Variants in AGBL1 observed in about 807,000 individuals in gnomAD.
AGBL1 encodes the protein cytosolic carboxypeptidase 4.
A neutral mutation model predicts 118.9 loss-of-function variants in AGBL1; 130 were observed. That is an observed-to-expected ratio of 1.09 (90% confidence interval 0.95 to 1.26). The LOEUF (loss-of-function observed/expected upper bound fraction) is 1.26. Ranked by LOEUF, AGBL1 falls within the 50% of genes most tolerant of loss-of-function variation. AGBL1 has a pLI of 0.00. For missense variants in AGBL1, 1,584 were observed against 1,298.1 expected (o/e 1.22, Z -3.38); for synonymous variants, 555 against 478.9 (o/e 1.16, Z -2.08).
At chr15:86,788,885 C>A (rs2078452375) in intron 22 of AGBL1, among the ~76,000 whole-genome samples, 1 of 152,128 alleles carries the variant, frequency 6.6e-6, no homozygotes, top group Non-Finnish European at 1.5e-5. Context: ...GTGCAAAGTG[C>A]AAGGCTCCAA....
intron 5 of AGBL1, among the ~76,000 whole-genome samples, chr15:86,173,015 A>AT (rs1418751759): frequency 6.6e-6 from 1 of 151,594 alleles, no homozygotes; most frequent in African/African-American, 2.4e-5. Context: ...AGCATCTGTT[A>AT]TTTTTTTGTC....
chr15:86,521,077 T>C (rs2083183870), intron 18 of AGBL1, among the ~76,000 whole-genome samples: 1 of 152,170 alleles, frequency 6.6e-6, no homozygotes, highest in Non-Finnish European at 1.5e-5. Flanking sequence ...CTACCATTTA[T>C]CAAGTCAAAA....
chr15:86,739,216 G>A (rs2077642563), intron 22 of AGBL1, among the ~76,000 whole-genome samples: 1 of 151,958 alleles, frequency 6.6e-6, no homozygotes, highest in African/African-American at 2.4e-5. Flanking sequence ...GGCCAAGGCA[G>A]GCAGATCACC....
intron 22 of AGBL1, among the ~76,000 whole-genome samples, chr15:86,863,448 C>A (rs944959642): frequency 2.0e-5 from 3 of 151,944 alleles, no homozygotes; most frequent in African/African-American, 7.3e-5. Context: ...TAATGGATGT[C>A]TCATCCACAG....
At chr15:86,691,453 G>T (rs942240068) in intron 22 of AGBL1, among the ~76,000 whole-genome samples, 1 of 152,002 alleles carries the variant, frequency 6.6e-6, no homozygotes, top group Non-Finnish European at 1.5e-5. Context: ...TTGTTTCTCT[G>T]CATTGGCCAA....
chr15:86,365,283 C>G (rs2080870599), intron 17 of AGBL1, among the ~76,000 whole-genome samples: 1 of 152,068 alleles, frequency 6.6e-6, no homozygotes. Context: ...TTCATCTAAG[C>G]TATTCAAGTC....
At chr15:86,342,309 T>C (rs17668542) in intron 17 of AGBL1, among the ~76,000 whole-genome samples, 5,300 of 152,278 alleles carry the variant, frequency 0.035, 132 homozygotes, top group East Asian at 0.049. Flanking sequence ...TATGTTGGAC[T>C]AGCTTTTCTC....
At chr15:86,139,387 G>A (rs566918323) in intron 1 of AGBL1, among the ~76,000 whole-genome samples, 1 of 152,266 alleles carries the variant, frequency 6.6e-6, no homozygotes, top group Non-Finnish European at 1.5e-5. Context: ...GCACCACCCC[G>A]GGATTCTCTT....
At chr15:86,304,370 T>C (rs770681166) in intron 17 of AGBL1, among the ~76,000 whole-genome samples, 5 of 152,188 alleles carry the variant, frequency 3.3e-5, no homozygotes, top group African/African-American at 7.2e-5. Flanking sequence ...TCATATAGTA[T>C]TCATGCTCAC....
At chr15:86,487,351 C>T (rs1217473368) in intron 18 of AGBL1, among the ~76,000 whole-genome samples, 1 of 152,038 alleles carries the variant, frequency 6.6e-6, no homozygotes, top group African/African-American at 2.4e-5. Context: ...AAGTGAAGCC[C>T]TAATCCTGTG....
chr15:86,326,616 G>A (rs2080188257), intron 17 of AGBL1, among the ~76,000 whole-genome samples: 1 of 152,162 alleles, frequency 6.6e-6, no homozygotes, highest in South Asian at 2.1e-4. Context: ...ATTGTTAAGG[G>A]AAAGAGACCA....
At chr15:86,166,554 A>G (rs1206549622) in intron 5 of AGBL1, among the ~76,000 whole-genome samples, 3 of 152,118 alleles carry the variant, frequency 2.0e-5, no homozygotes, top group African/African-American at 4.8e-5. Flanking sequence ...AGTGCCATCC[A>G]GGGGGGCTCT....
chr15:86,811,426 T>C (rs1396572686), intron 22 of AGBL1, among the ~76,000 whole-genome samples: 1 of 152,188 alleles, frequency 6.6e-6, no homozygotes, highest in Non-Finnish European at 1.5e-5. Context: ...TTTTTGGAGA[T>C]ACAGCTCTCT....
chr15:86,558,537 C>T (rs995535870), intron 21 of AGBL1, among the ~76,000 whole-genome samples: 2 of 152,130 alleles, frequency 1.3e-5, no homozygotes, highest in African/African-American at 4.8e-5. Flanking sequence ...GCAAGCACTC[C>T]CCAGAAGTCC....
intron 22 of AGBL1, among the ~76,000 whole-genome samples, chr15:86,883,855 T>A (rs2141538393): frequency 6.6e-6 from 1 of 152,316 alleles, no homozygotes; most frequent in African/African-American, 2.4e-5. Flanking sequence ...TTAGGATTTA[T>A]ATGGCCTAGG....
rs1215131483 is a variant in AGBL1, at chr15:87,019,721, C to T, written c.3324-9104C>T. 3.3e-5 allele frequency among the ~76,000 whole-genome samples: 5 copies of T among 151,688 alleles called. 1 individual carries two copies. In the South Asian group the frequency reaches 8.3e-4, roughly 25 times the overall value. On this transcript the variant is annotated intron_variant, in intron 24 of 24. Transcript: ENST00000441037. ...CATCACAACTAAAAGAACAAGAGGA[C>T]CAAGAGCAAACAAATCCAAAACATT... is the stretch of plus-strand genomic sequence containing the variant.
At chr15:86,234,455 G>A (rs1367717625) in intron 6 of AGBL1, among the ~76,000 whole-genome samples, 2 of 151,236 alleles carry the variant, frequency 1.3e-5, no homozygotes, top group African/African-American at 4.9e-5. Flanking sequence ...GGAGGCTGAG[G>A]CAGAAGAATT....
rs562355297 is a variant in AGBL1 at position 86,315,874 on chromosome 15, C to T, written c.2374+20466C>T. Reference sequence around the variant, plus strand: ...GCACTGGTCAAAGGGAAGGATATAGCCTTTCCCATCTGTAGTTTCAGAAAA... The same window carrying T: ...GCACTGGTCAAAGGGAAGGATATAGTCTTTCCCATCTGTAGTTTCAGAAAA... On this transcript the variant is annotated intron_variant, in intron 17 of 22. Transcript: ENST00000614907. Among the ~76,000 whole-genome samples the T allele has an allele frequency of 4.8e-3, 733 of 152,228 alleles. 3 individuals are homozygous for T. The highest frequency in any genetic ancestry group is 7.2e-3 in the Non-Finnish European group (490 of 68,014).
At chr15:86,423,777 T>C (rs2081826111) in intron 18 of AGBL1, among the ~76,000 whole-genome samples, 1 of 152,078 alleles carries the variant, frequency 6.6e-6, no homozygotes, top group African/African-American at 2.4e-5. Context: ...GAACTCCCAT[T>C]CCCAATTGCT....
Sources: allele counts gnomAD v4.1 joint callset (sites outside exome capture counted in the v4.1 genomes callset), GRCh38; gene constraint gnomAD v4.1.1; transcripts MANE v1.5; gene names NCBI Gene and HGNC (gene_info 2026-07-23, HGNC 2026-07-21).